The following MTOR variants were observed in gnomAD, a reference collection of about 807,000 sequenced individuals.
MTOR encodes serine/threonine-protein kinase mTOR.
Under a neutral mutation model 319.8 loss-of-function variants are expected in MTOR, and 70 were observed. That is an observed-to-expected ratio of 0.22 (90% confidence interval 0.18 to 0.27). The LOEUF is 0.27. Ranked by LOEUF, MTOR falls within the 10% of genes least tolerant of loss-of-function variation. MTOR has a pLI of 1.00. For missense variants in MTOR, 1,890 were observed against 3,274.4 expected, an observed-to-expected ratio of 0.58 and a Z score of 10.32; for synonymous variants, 1,183 against 1,211.4, an observed-to-expected ratio of 0.98 and a Z score of 0.49.
intron 19 of MTOR, among the ~76,000 whole-genome samples, chr1:11,222,779 T>C (rs983375487): frequency 6.6e-6 from 1 of 151,868 alleles, no homozygotes; most frequent in African/African-American, 2.4e-5. Context: ...AAAAAATATA[T>C]ATATAAGTAA....
chr1:11,260,348 G>A (rs1247840470), intron 1 of MTOR, among the ~76,000 whole-genome samples: 1 of 152,180 alleles, frequency 6.6e-6, no homozygotes, highest in East Asian at 1.9e-4. Flanking sequence ...TTTGAGACCA[G>A]CCTGGGCAAT....
chr1:11,119,556 C>G (rs12119030), intron 49 of MTOR, among the ~76,000 whole-genome samples: 11,929 of 115,884 alleles, frequency 0.1, 918 homozygotes, highest in African/African-American at 0.22. Context: ...GGGTGACAGA[C>G]TGAGATTCCG....
At chr1:11,187,426 A>G (rs1645356813) in intron 28 of MTOR, among the ~76,000 whole-genome samples, 1 of 152,142 alleles carries the variant, frequency 6.6e-6, no homozygotes, top group Non-Finnish European at 1.5e-5. Context: ...TAGATCCCTC[A>G]CATGTGCAGT....
Position 11,129,734 on chromosome 1 carries a change from A to G in MTOR, c.5714+4T>C. 6.2e-7 allele frequency: 1 copy of G among 1,613,108 alleles called. No individual in the cohort carries two copies. Among genetic ancestry groups the G allele is most frequent in the Non-Finnish European group, 8.5e-7 (1 of 1,179,102 alleles). ...CAGAGTTGCATCCTTCCCTTCTCTG[A>G]TACCTGAGTGTATCCTGGAGGTTGT... is the stretch of plus-strand genomic sequence containing the variant. On this transcript the variant is annotated splice_donor_region_variant and intron_variant, in intron 40 of 57. Coordinates refer to ENST00000361445, the MANE Select transcript of MTOR (RefSeq NM_004958.4). This position sits in a 1 kb window ranked among gnomAD's most constrained non-coding sequence, Gnocchi z 4.7.
intron 54 of MTOR, among the ~76,000 whole-genome samples, chr1:11,110,010 ATT>A (rs397781498): frequency 6.6e-6 from 1 of 151,522 alleles, no homozygotes. Context: ...AAAAAAAAAA[ATT>A]TTTAAATCTG....
rs769897532 is a variant in MTOR, at chr1:11,212,245, C to T, written c.3561+67G>A. On this transcript the variant is annotated intron_variant, in intron 23 of 57. Coordinates refer to ENST00000361445, the MANE Select transcript of MTOR (RefSeq NM_004958.4). The surrounding 1 kb of genome is among the most constrained non-coding windows in gnomAD (Gnocchi z 4.1). Reference sequence around the variant, plus strand: ...CTGGCATCAGACAAAGTCTGAGTGGCTCACAGACAAAGTCTTCTTTCCAAA... The same window carrying T: ...CTGGCATCAGACAAAGTCTGAGTGGTTCACAGACAAAGTCTTCTTTCCAAA... The T allele has an allele frequency of 2.9e-5, 44 of 1,532,450 alleles. No homozygotes were observed. The Admixed American group carries it at 2.9e-4, about 10-fold the overall frequency. 94.9% of individuals were successfully genotyped at this position (1,532,450 alleles called of 1,614,324 possible). A position where few individuals can be genotyped will look rare whatever the true frequency, so the allele number is the denominator to read the frequency against.
chr1:11,199,516 T>A lies in MTOR; in HGVS notation c.4107+25A>T, dbSNP rs767320267. On this transcript the variant is annotated intron_variant, in intron 27 of 57. Coordinates refer to ENST00000361445, the MANE Select transcript of MTOR (RefSeq NM_004958.4). The surrounding 1 kb of genome is among the most constrained non-coding windows in gnomAD (Gnocchi z 4.5). ...CCAGCTGGTTCCCTGTCAGCCTCCA[T>A]CTGGACAATGGGGAAAAGTCTCACC... is the stretch of plus-strand genomic sequence containing the variant. 3 of 1,613,952 alleles carry A rather than the reference T, an allele frequency of 1.9e-6. No homozygotes were observed. Among genetic ancestry groups the A allele is most frequent in the African/African-American group, 2.7e-5 (2 of 74,918 alleles).
chr1:11,163,952 A>T (rs1441681229), intron 29 of MTOR, among the ~76,000 whole-genome samples: 1 of 152,246 alleles, frequency 6.6e-6, no homozygotes, highest in East Asian at 1.9e-4. Context: ...ACTGAAGGAG[A>T]CAGAGACACA....
rs1274400152 is a variant in MTOR at position 11,139,341 on chromosome 1, T to C, written c.5093A>G (p.Tyr1698Cys). 6.2e-7 allele frequency: 1 copy of C among 1,612,560 alleles called. No homozygotes were observed. The highest frequency in any genetic ancestry group is 8.5e-7 in the Non-Finnish European group (1 of 1,179,644). The change falls in exon 36 of 58, where the codon TAT (tyrosine) becomes TGT (cysteine). Residue 1698 changes from tyrosine to cysteine, a missense_variant. Physicochemically the swap from Tyr to Cys is radical, Grantham distance 194. Around this residue, in one of 15 missense-constraint regions of MTOR, gnomAD observed 276 missense variants for 459.4 expected, o/e 0.60. Coordinates refer to ENST00000361445, the MANE Select transcript of MTOR (RefSeq NM_004958.4). ...PLPTVHPQVTYAYMKNMWKSA... is the reference protein window; with the variant it reads ...PLPTVHPQVTCAYMKNMWKSA... ...CTTCCACATGTTTTTCATGTAGGCA[T>C]AGGTCACCTGAGGGTGAACTGTTGG...
chr1:11,184,822 A>G (rs1645263278), intron 28 of MTOR, among the ~76,000 whole-genome samples: 1 of 152,202 alleles, frequency 6.6e-6, no homozygotes, highest in Non-Finnish European at 1.5e-5. Context: ...AACAAGAGGG[A>G]AAAACCTCTA....
rs778567983 is a variant in MTOR at position 11,127,597 on chromosome 1, T to C, written c.6216+27A>G. On this transcript the variant is annotated intron_variant, in intron 44 of 57. Transcript: ENST00000361445. This position sits in a 1 kb window ranked among gnomAD's most constrained non-coding sequence, Gnocchi z 5.5. Reference sequence around the variant, plus strand: ...GTGGCAGAATATTTCTACAGGGTTATGTCCTTTCGTGTTTTTTACCCCATA... The same window carrying C: ...GTGGCAGAATATTTCTACAGGGTTACGTCCTTTCGTGTTTTTTACCCCATA... 6.3e-7 allele frequency: 1 copy of C among 1,582,188 alleles called. No individual in the cohort carries two copies. Among genetic ancestry groups the C allele is most frequent in the East Asian group, 2.2e-5 (1 of 44,580 alleles).
At chr1:11,223,816 G>C (rs1479926094) in intron 19 of MTOR, among the ~76,000 whole-genome samples, 2 of 152,044 alleles carry the variant, frequency 1.3e-5, no homozygotes, top group African/African-American at 4.8e-5. Context: ...GAGACGGGTG[G>C]ATCACTTGTG....
In MTOR at chr1:11,108,220, G is replaced by C. The variant is rs771419089; in HGVS notation, c.7595C>G (p.Ala2532Gly). Residue 2532 changes from alanine to glycine, a missense_variant, in exon 57 of 58, where the codon GCG becomes GGG. Ala to Gly is a moderately conservative substitution (Grantham distance 60, BLOSUM62 0). Around this residue, in one of 15 missense-constraint regions of MTOR, gnomAD observed 31 missense variants for 82.1 expected, o/e 0.38. Transcript: ENST00000361445. ...CTGGCAGAGGTTTTCATGGGATGTC[G>C]CTTGTTTGATGAGCAGCTCAACTTG... The part of the protein sequence containing the change: ...PTQVELLIKQ[A>G]TSHENLCQCY... 6.2e-7 allele frequency: 1 copy of C among 1,613,796 alleles called. No homozygotes were observed. Among genetic ancestry groups the C allele is most frequent in the African/African-American group, 1.3e-5 (1 of 75,028 alleles).
intron 28 of MTOR, among the ~76,000 whole-genome samples, chr1:11,169,492 T>A (rs564915835): frequency 6.6e-6 from 1 of 152,332 alleles, no homozygotes; most frequent in African/African-American, 2.4e-5. Flanking sequence ...AGTCAGAAGA[T>A]GGGGTTTTTC....
intron 28 of MTOR, among the ~76,000 whole-genome samples, chr1:11,179,980 T>C (rs914125255): frequency 2.0e-5 from 3 of 152,156 alleles, no homozygotes; most frequent in South Asian, 2.1e-4. Flanking sequence ...GGTGCAATCA[T>C]AGCTCACTGC....
intron 28 of MTOR, 112 bp from the exon 29 acceptor site, chr1:11,167,629 G>GC: frequency 2.6e-6 from 2 of 765,190 alleles, no homozygotes; most frequent in Non-Finnish European, 4.6e-6. Context: ...ATGTCTTGCA[G>GC]ATGCTGAAAG....
At chr1:11,203,906 CTCT>C (rs1193516704) in intron 26 of MTOR, among the ~76,000 whole-genome samples, 1 of 152,174 alleles carries the variant, frequency 6.6e-6, no homozygotes, top group African/African-American at 2.4e-5. Context: ...AAACACCATG[CTCT>C]TCTACTACCT....
chr1:11,130,501 T>C (rs770569577), intron 39 of MTOR, 28 bp downstream of exon 39: 8 of 1,601,364 alleles, frequency 5.0e-6, no homozygotes, highest in South Asian at 4.4e-5. Context: ...CCTTGGTTGG[T>C]TGTTAATAAG....
chr1:11,236,514 T>G (rs1378281061), intron 13 of MTOR, among the ~76,000 whole-genome samples: 2 of 150,074 alleles, frequency 1.3e-5, no homozygotes, highest in East Asian at 1.9e-4. Flanking sequence ...TTCACGTTTT[T>G]TTTTTTTTTT....
Sources: gnomAD v4.1 joint callset for allele counts (sites outside exome capture counted in the v4.1 genomes callset) on GRCh38, gnomAD v4.1.1 for gene constraint, gnomAD v4.1.1 regional missense constraint, Gnocchi (gnomAD v3.1) non-coding constraint, MANE v1.5 for transcripts, NCBI Gene and HGNC (gene_info 2026-07-23, HGNC 2026-07-21) for gene names.